The following OLFM3 variants were observed in gnomAD, a reference collection of about 807,000 sequenced individuals.
OLFM3 encodes olfactomedin 3.
A neutral mutation model predicts 48.6 loss-of-function variants in OLFM3; 20 were observed. That is an observed-to-expected ratio of 0.41 (90% CI 0.29 to 0.60). OLFM3 has a LOEUF of 0.60. OLFM3 is among the 20% of genes least tolerant of loss of function. OLFM3 has a pLI of 0.28. For missense variants in OLFM3, 437 were observed against 544.3 expected (o/e 0.80, Z 1.96); for synonymous variants, 222 against 198.1 (o/e 1.12, Z -1.01).
chr1:101,851,130 T>C (rs1421550902), intron 1 of OLFM3, among the ~76,000 whole-genome samples: 1 of 152,146 alleles, frequency 6.6e-6, no homozygotes, highest in East Asian at 1.9e-4. Context: ...GAATGCTGGA[T>C]ACCCTGGATG....
intron 1 of OLFM3, among the ~76,000 whole-genome samples, chr1:101,962,641 AC>A (rs200949628): frequency 1.9e-3 from 286 of 152,034 alleles, no homozygotes; most frequent in African/African-American, 3.0e-3. Flanking sequence ...ACTTCAAAAA[AC>A]AAACATAGTC....
intron 1 of OLFM3, among the ~76,000 whole-genome samples, chr1:101,925,493 G>T (rs968859293): frequency 6.6e-6 from 1 of 151,752 alleles, no homozygotes; most frequent in Admixed American, 6.6e-5. Context: ...GTGTGTGTGT[G>T]TCTGTAGTCT....
chr1:101,906,426 T>G (rs912572513), intron 1 of OLFM3, among the ~76,000 whole-genome samples: 1 of 152,110 alleles, frequency 6.6e-6, no homozygotes, highest in Non-Finnish European at 1.5e-5. Context: ...AAAGAGATTA[T>G]CTTAGAAATA....
intron 1 of OLFM3, among the ~76,000 whole-genome samples, chr1:101,962,285 T>C (rs1660489816): frequency 6.6e-6 from 1 of 152,116 alleles, no homozygotes; most frequent in African/African-American, 2.4e-5. Context: ...CCCTTCAATC[T>C]GGAGTACCTA....
chr1:101,920,617 T>C (rs1659064925), intron 1 of OLFM3, among the ~76,000 whole-genome samples: 3 of 152,234 alleles, frequency 2.0e-5, no homozygotes. Flanking sequence ...AAGGAATTTA[T>C]AGGCTGAACA....
At chr1:101,930,524 G>T (rs1659414697) in intron 1 of OLFM3, among the ~76,000 whole-genome samples, 1 of 152,144 alleles carries the variant, frequency 6.6e-6, no homozygotes, top group African/African-American at 2.4e-5. Context: ...TTTTTTACAA[G>T]ATTTTCTCAT....
At chr1:101,819,447 A>G (rs1654496112) in intron 4 of OLFM3, among the ~76,000 whole-genome samples, 1 of 152,052 alleles carries the variant, frequency 6.6e-6, no homozygotes, top group African/African-American at 2.4e-5. Flanking sequence ...AGTGATGGAG[A>G]GCCAAAACAA....
At chr1:101,952,039 TATC>T (rs1660158715) in intron 1 of OLFM3, among the ~76,000 whole-genome samples, 2 of 35,672 alleles carry the variant, frequency 5.6e-5, no homozygotes, top group Non-Finnish European at 1.6e-4. Flanking sequence ...AAAAGTTACC[TATC>T]TAACTATCTG....
At chr1:101,845,266 A>G (rs567518794) in intron 1 of OLFM3, among the ~76,000 whole-genome samples, 35 of 152,208 alleles carry the variant, frequency 2.3e-4, no homozygotes, top group African/African-American at 8.4e-4. Flanking sequence ...GCAATGCTTT[A>G]TATTTTTCAA....
intron 1 of OLFM3, among the ~76,000 whole-genome samples, chr1:101,916,848 T>C (rs12731963): frequency 0.18 from 27,601 of 152,128 alleles, 3,177 homozygotes; most frequent in Non-Finnish European, 0.27. Context: ...GGGATAGACG[T>C]ATGAGCGAAT....
chr1:101,936,675 T>A (rs1376841617), intron 1 of OLFM3, among the ~76,000 whole-genome samples: 2 of 151,990 alleles, frequency 1.3e-5, no homozygotes, highest in East Asian at 3.9e-4. Context: ...AAGGAACAAA[T>A]CTGGAGGCAT....
At chr1:101,918,421 G>T (rs1332207365) in intron 1 of OLFM3, among the ~76,000 whole-genome samples, 4 of 152,162 alleles carry the variant, frequency 2.6e-5, no homozygotes, top group African/African-American at 9.7e-5. Context: ...CTCCAGGAAA[G>T]AATTCACTTC....
chr1:101,974,558 C>A (rs777127690), intron 1 of OLFM3, among the ~76,000 whole-genome samples: 2 of 152,204 alleles, frequency 1.3e-5, no homozygotes, highest in South Asian at 2.1e-4. Flanking sequence ...ATGCTATAAA[C>A]TTCCTCTTAT....
intron 1 of OLFM3, among the ~76,000 whole-genome samples, chr1:101,977,885 G>A (rs1029685023): frequency 6.6e-6 from 1 of 152,050 alleles, no homozygotes; most frequent in African/African-American, 2.4e-5. Context: ...ATTAGGAACA[G>A]GTAGAGAGTT....
intron 1 of OLFM3, among the ~76,000 whole-genome samples, chr1:101,895,724 G>T (rs2182764): frequency 1.3e-5 from 2 of 151,728 alleles, no homozygotes; most frequent in Non-Finnish European, 2.9e-5. Context: ...TAATTCAATG[G>T]GCTATGAACA....
intron 1 of OLFM3, among the ~76,000 whole-genome samples, chr1:101,912,289 A>T (rs369665746): frequency 6.6e-6 from 1 of 152,332 alleles, no homozygotes; most frequent in African/African-American, 2.4e-5. Context: ...AAGGAGTTTA[A>T]CACTTTAAAT....
At chr1:101,945,739 A>G (rs1006026995) in intron 1 of OLFM3, among the ~76,000 whole-genome samples, 3 of 152,116 alleles carry the variant, frequency 2.0e-5, no homozygotes, top group African/African-American at 7.2e-5. Flanking sequence ...CTTGAGACCA[A>G]GAGTTTGAGA....
rs1557686338 is a variant in OLFM3, at chr1:101,818,543, A to G, written c.592+6483T>C. Among the ~76,000 whole-genome samples the G allele has an allele frequency of 2.6e-5, 4 of 152,108 alleles. No individual in the cohort carries two copies. In the South Asian group the frequency reaches 8.3e-4, roughly 31 times the overall value. On this transcript the variant is annotated intron_variant, in intron 4 of 5. Coordinates refer to ENST00000370103, the MANE Select transcript of OLFM3 (RefSeq NM_058170.4). ...AGGAATAGTCTTATAAATTTCCTCC[A>G]TTGCATTTCTGAGTCAAATCTCCCA...
intron 1 of OLFM3, among the ~76,000 whole-genome samples, chr1:101,920,020 C>A (rs1019843660): frequency 6.6e-6 from 1 of 152,114 alleles, no homozygotes; most frequent in African/African-American, 2.4e-5. Context: ...TATTTCATAA[C>A]CAACCTGTCA....
Sources: allele counts gnomAD v4.1 joint callset (sites outside exome capture counted in the v4.1 genomes callset), GRCh38; gene constraint gnomAD v4.1.1; transcripts MANE v1.5; gene names NCBI Gene and HGNC (gene_info 2026-07-23, HGNC 2026-07-21).